ROR2: variants seen among roughly 807,000 people sequenced by gnomAD.
ROR2 encodes the protein tyrosine-protein kinase transmembrane receptor ROR2.
Under a neutral mutation model 74.9 loss-of-function variants are expected in ROR2, and 33 were observed. The observed-to-expected ratio is 0.44, with a 90% CI of 0.33 to 0.59. The LOEUF (loss-of-function observed/expected upper bound fraction) is 0.59, where lower values mean the gene tolerates loss of function less well. Among genes scored for constraint, ROR2 ranks in the 20% least tolerant of loss-of-function variants. The pLI is 0.02. For synonymous variants in ROR2, 586 were observed against 558.7 expected, an observed-to-expected ratio of 1.05 and a Z score of -0.69; for missense variants, 1,216 against 1,313.8, an observed-to-expected ratio of 0.93 and a Z score of 1.15.
intron 1 of ROR2, among the ~76,000 whole-genome samples, chr9:91,920,580 G>A (rs1471761573): frequency 1.3e-5 from 2 of 152,218 alleles, no homozygotes; most frequent in African/African-American, 4.8e-5. Flanking sequence ...AGGGAACAGA[G>A]ATCAGGTGAG....
chr9:91,872,684 T>C (rs1286787721), intron 1 of ROR2, among the ~76,000 whole-genome samples: 2 of 152,212 alleles, frequency 1.3e-5, no homozygotes. Flanking sequence ...CGTTTTATTA[T>C]ATTACAGAGG....
chr9:91,894,967 T>C, intron 1 of ROR2, among the ~76,000 whole-genome samples: 1 of 152,226 alleles, frequency 6.6e-6, no homozygotes, highest in East Asian at 1.9e-4. Context: ...CACAAAAACC[T>C]GCACAAGGAT....
At chr9:91,786,385 G>C (rs1302387602) in intron 1 of ROR2, among the ~76,000 whole-genome samples, 1 of 150,084 alleles carries the variant, frequency 6.7e-6, no homozygotes, top group Non-Finnish European at 1.5e-5. Flanking sequence ...TAAATAAATG[G>C]GCAATATACT....
chr9:91,804,829 C>G (rs1466464226), intron 1 of ROR2, among the ~76,000 whole-genome samples: 1 of 152,198 alleles, frequency 6.6e-6, no homozygotes, highest in Admixed American at 6.5e-5. Flanking sequence ...GTTATTTTTA[C>G]TTAAGTTAGC....
intron 1 of ROR2, among the ~76,000 whole-genome samples, chr9:91,777,608 A>C (rs1826464067): frequency 6.6e-6 from 1 of 152,014 alleles, no homozygotes. Context: ...GTACATTCTC[A>C]AGGTTGTGCA....
In ROR2 at chr9:91,723,703, T is replaced by C. The variant is rs200752982; in HGVS notation, c.2791A>G (p.Thr931Ala). The C allele has an allele frequency of 6.2e-6, 10 of 1,613,696 alleles. No homozygotes were observed. The African/African-American group carries it at 1.1e-4, about 17-fold the overall frequency. The change falls in exon 9 of 9, where the codon ACT becomes GCT. Residue 931 changes from threonine (T) to alanine (A), a missense_variant. Thr to Ala is a moderately conservative substitution (Grantham distance 58, BLOSUM62 0). Coordinates refer to ENST00000375708, the MANE Select transcript of ROR2 (RefSeq NM_004560.4). Reference sequence around the variant, plus strand: ...ACTTGGGCCTCGTCCACCTGCAGAGTGTCACAGTCCCCCAGCAGCTCAGTC... The same window carrying C: ...ACTTGGGCCTCGTCCACCTGCAGAGCGTCACAGTCCCCCAGCAGCTCAGTC... ...PETELLGDCD[T>A]LQVDEAQVQL...
intron 1 of ROR2, among the ~76,000 whole-genome samples, chr9:91,941,170 T>C (rs1173745438): frequency 6.6e-6 from 1 of 151,950 alleles, no homozygotes; most frequent in African/African-American, 2.4e-5. Context: ...GCTAATTTTT[T>C]GTATTTTTAG....
chr9:91,933,818 G>T (rs184398614), intron 1 of ROR2, among the ~76,000 whole-genome samples: 1 of 152,182 alleles, frequency 6.6e-6, no homozygotes, highest in African/African-American at 2.4e-5. Flanking sequence ...GTAGATTAGC[G>T]GTTGCCAGAG....
In ROR2 at chr9:91,726,567, T is replaced by C. The variant is rs771198485; in HGVS notation, c.1360A>G (p.Met454Val). Residue 454 changes from methionine (M) to valine (V), a missense_variant, in exon 8 of 9, where the codon ATG becomes GTG. By Grantham distance (21) the Met-to-Val change is conservative. Transcript: ENST00000375708. ...TGTTTGTGCTGGTTAATGAGGGGCATTTCCATGTCTTGGCTGGGCGAGGCC... is the reference window on the plus strand; with the variant it reads ...TGTTTGTGCTGGTTAATGAGGGGCACTTCCATGTCTTGGCTGGGCGAGGCC... ...LMASPSQDME[M>V]PLINQHKQAK... The C allele has an allele frequency of 6.8e-6, 11 of 1,612,842 alleles. No individual in the cohort carries two copies. The South Asian group carries it at 1.2e-4, about 18-fold the overall frequency.
chr9:91,737,587 T>A, intron 4 of ROR2, 69 bp from the exon 5 acceptor site: 1 of 1,610,024 alleles, frequency 6.2e-7, no homozygotes, highest in Non-Finnish European at 8.5e-7. Context: ...ACTTCTTTTA[T>A]GATCCAGCAT....
At chr9:91,866,869 T>G (rs575135716) in intron 1 of ROR2, among the ~76,000 whole-genome samples, 24 of 152,288 alleles carry the variant, frequency 1.6e-4, no homozygotes, top group South Asian at 2.1e-4. Flanking sequence ...AGTAATTTAA[T>G]AACCCAATTT....
At chr9:91,787,765 T>C (rs1485163032) in intron 1 of ROR2, among the ~76,000 whole-genome samples, 1 of 151,972 alleles carries the variant, frequency 6.6e-6, no homozygotes, top group Non-Finnish European at 1.5e-5. Flanking sequence ...TCACAAGACA[T>C]GCCAGGAAAC....
At chr9:91,772,976 C>T (rs938908317) in intron 2 of ROR2, among the ~76,000 whole-genome samples, 7 of 152,194 alleles carry the variant, frequency 4.6e-5, no homozygotes, top group Admixed American at 1.3e-4. Context: ...TGTCAAATTT[C>T]ATCTGATGGT....
intron 2 of ROR2, among the ~76,000 whole-genome samples, chr9:91,764,521 A>G (rs907925791): frequency 6.6e-6 from 1 of 151,086 alleles, no homozygotes; most frequent in Non-Finnish European, 1.5e-5. Context: ...AAGTCCCCCA[A>G]TTACAAAAGA....
chr9:91,938,734 C>T (rs1831769254), intron 1 of ROR2, among the ~76,000 whole-genome samples: 1 of 152,206 alleles, frequency 6.6e-6, no homozygotes, highest in Non-Finnish European at 1.5e-5. Context: ...GTATCATTCT[C>T]CCCACTCAGA....
chr9:91,840,225 AG>A (rs1262237898), intron 1 of ROR2, among the ~76,000 whole-genome samples: 3 of 152,206 alleles, frequency 2.0e-5, no homozygotes, highest in African/African-American at 7.2e-5. Flanking sequence ...GCAGCTGCAC[AG>A]GAACACACGT....
At chr9:91,934,686 A>AC (rs1159226293) in intron 1 of ROR2, among the ~76,000 whole-genome samples, 3 of 152,166 alleles carry the variant, frequency 2.0e-5, no homozygotes, top group African/African-American at 7.2e-5. Context: ...AACTTGACTT[A>AC]GTTCTTTTAA....
intron 4 of ROR2, among the ~76,000 whole-genome samples, chr9:91,745,216 C>T (rs982732514): frequency 2.8e-4 from 43 of 152,082 alleles, no homozygotes; most frequent in African/African-American, 9.4e-4. Context: ...ACCTCCACCT[C>T]CTGGGTTCAA....
In ROR2 at chr9:91,733,273, G is replaced by A; in HGVS notation, c.786C>T (p.Asp262=). The A allele has an allele frequency of 3.1e-6, 5 of 1,613,008 alleles. No homozygotes were observed. Among genetic ancestry groups the A allele is most frequent in the African/African-American group, 1.3e-5 (1 of 75,046 alleles). The change falls in exon 6 of 9, where the codon GAC becomes GAT. Residue 262 remains aspartate, a synonymous_variant. Transcript: ENST00000375708. This position sits in a 1 kb window ranked among gnomAD's most constrained non-coding sequence, Gnocchi z 5.7. ...CGATGGTGTACTCCTGGCGGCACAGGTCGCTCTCCAGCACCTCGCACTCGT... is the reference window on the plus strand; with the variant it reads ...CGATGGTGTACTCCTGGCGGCACAGATCGCTCTCCAGCACCTCGCACTCGT... ...CRDECEVLES[D]LCRQEYTIAR...
Sources: gnomAD v4.1 joint callset for allele counts (sites outside exome capture counted in the v4.1 genomes callset) on GRCh38, gnomAD v4.1.1 for gene constraint, Gnocchi (gnomAD v3.1) non-coding constraint, MANE v1.5 for transcripts, NCBI Gene and HGNC (gene_info 2026-07-23, HGNC 2026-07-21) for gene names.